The following NALF1 variants were observed in gnomAD, a reference collection of about 807,000 sequenced individuals.
NALF1 encodes NALCN channel auxiliary factor 1, also known as family with sequence similarity 155 member A.
Under a neutral mutation model 48.4 loss-of-function variants are expected in NALF1, and 3 were observed. The observed-to-expected ratio is 0.06, with a 90% CI of 0.03 to 0.16. The LOEUF is 0.16. Among genes scored for constraint, NALF1 ranks in the 10% least tolerant of loss-of-function variants. The pLI, the probability that NALF1 is intolerant of heterozygous loss-of-function variation, is 1.00. For missense variants in NALF1, 526 were observed against 571.5 expected (o/e 0.92, Z 0.81); for synonymous variants, 262 against 245.7 (o/e 1.07, Z -0.62).
intron 1 of NALF1, among the ~76,000 whole-genome samples, chr13:107,626,187 C>T (rs895767025): frequency 5.3e-5 from 8 of 151,932 alleles, no homozygotes; most frequent in African/African-American, 7.2e-5. Flanking sequence ...ATCATAATCA[C>T]GTACACTCTA....
chr13:107,820,593 A>G (rs1326179892), intron 1 of NALF1, among the ~76,000 whole-genome samples: 1 of 152,208 alleles, frequency 6.6e-6, no homozygotes, highest in African/African-American at 2.4e-5. Context: ...CAAAAGCCTA[A>G]ATGACAATTT....
At chr13:107,455,213 C>A (rs1884804356) in intron 1 of NALF1, among the ~76,000 whole-genome samples, 1 of 152,142 alleles carries the variant, frequency 6.6e-6, no homozygotes, top group African/African-American at 2.4e-5. Flanking sequence ...CCCAGCCATG[C>A]AGAACTGGGA....
intron 1 of NALF1, among the ~76,000 whole-genome samples, chr13:107,851,008 C>T (rs1543002): frequency 0.58 from 88,243 of 151,998 alleles, 26,985 homozygotes; most frequent in Non-Finnish European, 0.68. Context: ...TATAACAATC[C>T]TGCTTCTCTG....
chr13:107,404,359 G>T (rs1883864106), intron 1 of NALF1, among the ~76,000 whole-genome samples: 1 of 151,902 alleles, frequency 6.6e-6, no homozygotes, highest in African/African-American at 2.4e-5. Context: ...TAACTTCCCG[G>T]AATTAATGAT....
At chr13:107,845,079 C>T (rs537333672) in intron 1 of NALF1, among the ~76,000 whole-genome samples, 1 of 152,270 alleles carries the variant, frequency 6.6e-6, no homozygotes, top group Admixed American at 6.5e-5. Context: ...GCACACTATA[C>T]ACATAGCTTA....
intron 2 of NALF1, among the ~76,000 whole-genome samples, chr13:107,208,448 T>C (rs1350865031): frequency 6.6e-6 from 1 of 152,206 alleles, no homozygotes; most frequent in Non-Finnish European, 1.5e-5. Flanking sequence ...GCATTCTGAA[T>C]GTGTATGGAG....
rs995152871 is a variant in NALF1, at chr13:107,182,552, A to G, written c.1088-11766T>C. ...CACAAAGTGCTGGGATTACAGGTGTAAGTCACCACACTCGGCCCTATGTGA... is the reference window on the plus strand; with the variant it reads ...CACAAAGTGCTGGGATTACAGGTGTGAGTCACCACACTCGGCCCTATGTGA... On this transcript the variant is annotated intron_variant, in intron 2 of 2. Coordinates refer to ENST00000375915, the MANE Select transcript of NALF1 (RefSeq NM_001080396.3). 2.0e-5 allele frequency among the ~76,000 whole-genome samples: 3 copies of G among 152,054 alleles called. No homozygotes were observed. In the South Asian group the frequency reaches 6.2e-4, roughly 31 times the overall value.
At chr13:107,360,653 T>C (rs1205160025) in intron 1 of NALF1, among the ~76,000 whole-genome samples, 1 of 152,216 alleles carries the variant, frequency 6.6e-6, no homozygotes, top group Non-Finnish European at 1.5e-5. Flanking sequence ...TATATTAATA[T>C]ACTTCATTTG....
intron 1 of NALF1, among the ~76,000 whole-genome samples, chr13:107,576,661 A>G (rs1308745147): frequency 6.6e-6 from 1 of 152,214 alleles, no homozygotes; most frequent in African/African-American, 2.4e-5. Flanking sequence ...AGGCTTCATG[A>G]TCTGGACTCT....
chr13:107,574,226 T>C (rs377762612), intron 1 of NALF1, among the ~76,000 whole-genome samples: 7 of 152,260 alleles, frequency 4.6e-5, no homozygotes, highest in African/African-American at 1.2e-4. Context: ...TGCATCAAAA[T>C]ATAATCTTGA....
chr13:107,231,058 CAAAAAAA>C (rs3072074), intron 1 of NALF1, among the ~76,000 whole-genome samples: 6 of 83,572 alleles, frequency 7.2e-5, no homozygotes, highest in East Asian at 3.9e-4. Context: ...AAGACCCGGC[CAAAAAAA>C]AAAAAAAAAA....
chr13:107,677,839 CA>C (rs1366497036), intron 1 of NALF1, among the ~76,000 whole-genome samples: 1 of 152,020 alleles, frequency 6.6e-6, no homozygotes, highest in African/African-American at 2.4e-5. Flanking sequence ...CACAAGCAAA[CA>C]AAACAAAATA....
intron 1 of NALF1, among the ~76,000 whole-genome samples, chr13:107,720,510 CAAAAAAAAAAAAA>C (rs56380251): frequency 6.7e-5 from 4 of 59,856 alleles, no homozygotes; most frequent in Non-Finnish European, 8.2e-5. Flanking sequence ...GACTGCATCT[CAAAAAAAAAAAAA>C]AAAAAAAAAA....
intron 1 of NALF1, among the ~76,000 whole-genome samples, chr13:107,808,561 G>A (rs1176334114): frequency 1.3e-5 from 2 of 151,694 alleles, no homozygotes; most frequent in Non-Finnish European, 2.9e-5. Flanking sequence ...CAGAAACACT[G>A]ATGACTCGAG....
chr13:107,303,709 C>G (rs532228421), intron 1 of NALF1, among the ~76,000 whole-genome samples: 16 of 152,150 alleles, frequency 1.1e-4, no homozygotes, highest in African/African-American at 3.9e-4. Flanking sequence ...ATAAAATTCA[C>G]GAAGCATTAA....
intron 1 of NALF1, among the ~76,000 whole-genome samples, chr13:107,603,819 C>G (rs1315737044): frequency 6.6e-6 from 1 of 152,136 alleles, no homozygotes; most frequent in African/African-American, 2.4e-5. Context: ...TTAAAAATGA[C>G]TTGCTTTTTG....
chr13:107,397,152 G>A (rs1002548965), intron 1 of NALF1, among the ~76,000 whole-genome samples: 1 of 152,162 alleles, frequency 6.6e-6, no homozygotes, highest in African/African-American at 2.4e-5. Context: ...CAGGGAAGCT[G>A]CAAGGACTAT....
At chr13:107,675,420 G>T (rs563568125) in intron 1 of NALF1, among the ~76,000 whole-genome samples, 3 of 152,314 alleles carry the variant, frequency 2.0e-5, no homozygotes, top group Non-Finnish European at 2.9e-5. Context: ...CTGCGGATGG[G>T]GGGGAAGGGA....
intron 1 of NALF1, among the ~76,000 whole-genome samples, chr13:107,528,292 G>A (rs1236315035): frequency 6.6e-6 from 1 of 151,944 alleles, no homozygotes; most frequent in African/African-American, 2.4e-5. Context: ...CATAATAAAC[G>A]TTATGTCATA....
Sources: gnomAD v4.1 joint callset for allele counts (sites outside exome capture counted in the v4.1 genomes callset) on GRCh38, gnomAD v4.1.1 for gene constraint, MANE v1.5 for transcripts, NCBI Gene and HGNC (gene_info 2026-07-23, HGNC 2026-07-21) for gene names.